The following ENTREP2 variants were observed in gnomAD, a reference collection of about 807,000 sequenced individuals.
The protein encoded by ENTREP2 is protein ENTREP2.
the ENTREP2 span, among the ~76,000 whole-genome samples, chr15:29,478,008 TATA>T: frequency 5.8e-3 from 453 of 77,666 alleles, 7 homozygotes; most frequent in African/African-American, 0.016. Flanking sequence ...TATATATATA[TATA>T]TATATATATT....
chr15:29,166,872 A>C, the ENTREP2 span, among the ~76,000 whole-genome samples: 1 of 152,194 alleles, frequency 6.6e-6, no homozygotes, highest in Non-Finnish European at 1.5e-5. Context: ...AAGCAAGACG[A>C]AGCAAAAAGA....
At chr15:29,131,936 G>T in the ENTREP2 span, among the ~76,000 whole-genome samples, 1 of 15,584 alleles carries the variant, frequency 6.4e-5, no homozygotes, top group Admixed American at 1.0e-3. Context: ...AAAGAGAATG[G>T]CATCTGACCT....
chr15:29,421,472 G>A, the ENTREP2 span, among the ~76,000 whole-genome samples: 1 of 152,208 alleles, frequency 6.6e-6, no homozygotes, highest in Non-Finnish European at 1.5e-5. Flanking sequence ...TGGAGACGTA[G>A]TAAGTCCCAG....
chr15:29,454,250 A>T, the ENTREP2 span, among the ~76,000 whole-genome samples: 14 of 152,238 alleles, frequency 9.2e-5, no homozygotes, highest in East Asian at 1.2e-3. Context: ...TGACTTGCCA[A>T]CTAGAGTCCA....
the ENTREP2 span, among the ~76,000 whole-genome samples, chr15:29,214,642 C>T: frequency 6.8e-6 from 1 of 147,048 alleles, no homozygotes; most frequent in African/African-American, 2.5e-5. Flanking sequence ...ACATATGTAA[C>T]AAACCAGCAC....
At chr15:29,657,474 C>T in the ENTREP2 span, among the ~76,000 whole-genome samples, 3 of 6,564 alleles carry the variant, frequency 4.6e-4, no homozygotes, top group African/African-American at 8.7e-4. Context: ...CCGCTGTCGG[C>T]TGGGGGGGCG....
At chr15:29,621,059 T>G in the ENTREP2 span, among the ~76,000 whole-genome samples, 11 of 151,930 alleles carry the variant, frequency 7.2e-5, no homozygotes, top group African/African-American at 2.7e-4. Context: ...TTACTGCATT[T>G]GAGAAATGGC....
chr15:29,128,440 G>A, the ENTREP2 span, among the ~76,000 whole-genome samples: 5 of 152,228 alleles, frequency 3.3e-5, no homozygotes, highest in South Asian at 6.2e-4. Context: ...TGCCCGGTAG[G>A]TACAACTTTG....
the ENTREP2 span, among the ~76,000 whole-genome samples, chr15:29,523,099 G>C: frequency 2.6e-5 from 4 of 152,216 alleles, no homozygotes; most frequent in Non-Finnish European, 4.4e-5. Context: ...GACTGACCTT[G>C]AGGCTTTGCA....
chr15:29,123,383 C>T, the ENTREP2 span: 23 of 1,545,576 alleles, frequency 1.5e-5, no homozygotes, highest in South Asian at 4.8e-5. Context: ...GCCTCCTCCT[C>T]GAGGCGCTCC....
At chr15:29,268,848 C>T in the ENTREP2 span, 1 of 1,614,100 alleles carries the variant, frequency 6.2e-7, no homozygotes, top group South Asian at 1.1e-5. Flanking sequence ...CCTCATCTGC[C>T]AAAGCCTCAC....
the ENTREP2 span, among the ~76,000 whole-genome samples, chr15:29,256,274 C>T: frequency 3.9e-5 from 6 of 152,094 alleles, no homozygotes; most frequent in African/African-American, 7.2e-5. Flanking sequence ...GCCTAAACTT[C>T]AGCACCATGC....
the ENTREP2 span, among the ~76,000 whole-genome samples, chr15:29,492,720 G>A: frequency 6.6e-6 from 1 of 152,064 alleles, no homozygotes; most frequent in Non-Finnish European, 1.5e-5. Context: ...AATTTTTATT[G>A]AGGCTGGGCA....
the ENTREP2 span, among the ~76,000 whole-genome samples, chr15:29,159,075 T>C: frequency 1.3e-5 from 2 of 152,196 alleles, no homozygotes; most frequent in African/African-American, 4.8e-5. Context: ...TGGTGGGTTA[T>C]TGGTCTCACT....
At chr15:29,377,856 TAATAATAAA>T in the ENTREP2 span, among the ~76,000 whole-genome samples, 1,614 of 142,444 alleles carry the variant, frequency 0.011, 22 homozygotes, top group Admixed American at 0.02. Flanking sequence ...ATAATAATAA[TAATAATAAA>T]AAAATGAGCC....
At chr15:29,668,309 G>C in the ENTREP2 span, among the ~76,000 whole-genome samples, 1 of 152,134 alleles carries the variant, frequency 6.6e-6, no homozygotes, top group South Asian at 2.1e-4. Context: ...CAGAAAAGGA[G>C]AACCATACTT....
chr15:29,478,019 ATTTTT>A, the ENTREP2 span, among the ~76,000 whole-genome samples: 2 of 54,286 alleles, frequency 3.7e-5, no homozygotes, highest in African/African-American at 1.8e-4. Context: ...ATATATATAT[ATTTTT>A]TTTTTTTTTT....
At chr15:29,635,218 G>C in the ENTREP2 span, among the ~76,000 whole-genome samples, 4 of 152,092 alleles carry the variant, frequency 2.6e-5, no homozygotes, top group African/African-American at 9.7e-5. Flanking sequence ...CTCCACGTTG[G>C]GGGGTTGGGC....
the ENTREP2 span, among the ~76,000 whole-genome samples, chr15:29,405,888 T>C: frequency 2.0e-5 from 3 of 152,252 alleles, no homozygotes; most frequent in Non-Finnish European, 2.9e-5. Context: ...AGGGGCAGTG[T>C]GCTGACTTTT....
Sources: gnomAD v4.1 joint callset for allele counts (sites outside exome capture counted in the v4.1 genomes callset) on GRCh38, gnomAD v4.1.1 for gene constraint, MANE v1.5 for transcripts, NCBI Gene and HGNC (gene_info 2026-07-23, HGNC 2026-07-21) for gene names.